PGBD5: variants seen among roughly 807,000 people sequenced by gnomAD.
The protein encoded by PGBD5 is piggyBac transposable element-derived protein 5.
Under a neutral mutation model 47.9 loss-of-function variants are expected in PGBD5, and 14 were observed. The ratio of observed to expected loss-of-function variants is 0.29; its 90% confidence interval spans 0.19 to 0.46. PGBD5 has a LOEUF of 0.46. Ranked by LOEUF, PGBD5 falls within the 20% of genes least tolerant of loss-of-function variation. The pLI, the probability that PGBD5 is intolerant of heterozygous loss-of-function variation, is 1.00. For missense variants in PGBD5, 635 were observed against 716.0 expected (o/e 0.89, Z 1.29); for synonymous variants, 316 against 306.3 (o/e 1.03, Z -0.33).
chr1:230,358,148 C>G (rs951219694), intron 1 of PGBD5, among the ~76,000 whole-genome samples: 1 of 152,146 alleles, frequency 6.6e-6, no homozygotes, highest in Non-Finnish European at 1.5e-5. Context: ...CACAGCCCCT[C>G]CTGTCTCCCG....
At chr1:230,375,652 C>CTTTTTTTTTTTTTTTTT (rs199545872) in intron 1 of PGBD5, among the ~76,000 whole-genome samples, 1 of 105,660 alleles carries the variant, frequency 9.5e-6, no homozygotes, top group African/African-American at 4.5e-5. Flanking sequence ...TCCTATTTGA[C>CTTTTTTTTTTTTTTTTT]TTTTTTTTTT....
intron 4 of PGBD5, among the ~76,000 whole-genome samples, chr1:230,335,735 ACT>A (rs1491366644): frequency 8.2e-5 from 12 of 146,420 alleles, no homozygotes; most frequent in African/African-American, 1.8e-4. Context: ...ACACACACAG[ACT>A]TACACAAAGA....
At chr1:230,370,163 G>A (rs1288349578) in intron 1 of PGBD5, among the ~76,000 whole-genome samples, 1 of 152,192 alleles carries the variant, frequency 6.6e-6, no homozygotes, top group Admixed American at 6.5e-5. Context: ...GATGCTCTGC[G>A]TTCCCCTCCA....
At chr1:230,325,795 T>G (rs986830017) in intron 5 of PGBD5, among the ~76,000 whole-genome samples, 2 of 152,082 alleles carry the variant, frequency 1.3e-5, no homozygotes, top group Non-Finnish European at 2.9e-5. Flanking sequence ...CTCCCCCTTC[T>G]GCCAGGCTGG....
intron 1 of PGBD5, among the ~76,000 whole-genome samples, chr1:230,420,426 C>T (rs1165573619): frequency 1.3e-5 from 2 of 152,136 alleles, no homozygotes; most frequent in Admixed American, 6.6e-5. Flanking sequence ...TTGATTTTTA[C>T]AATTTTTGAT....
chr1:230,417,453 A>T (rs1657543581), intron 1 of PGBD5, among the ~76,000 whole-genome samples: 1 of 152,240 alleles, frequency 6.6e-6, no homozygotes. Flanking sequence ...AATAGTAATA[A>T]TTATAGGTGT....
chr1:230,394,588 T>G (rs1282414942), intron 1 of PGBD5, among the ~76,000 whole-genome samples: 1 of 109,458 alleles, frequency 9.1e-6, no homozygotes, highest in Non-Finnish European at 1.8e-5. Context: ...CTCCTCTCCT[T>G]GTGCTCCTCT....
rs1667022520 is a variant in PGBD5, at chr1:230,320,862, C to T, written c.*2563G>A. ...CTGGATGGAGAAGAGAAACTCTTCT[C>T]AGTCAACAGCATTCCTCCAGAGACC... On this transcript the variant is annotated 3_prime_UTR_variant, in exon 7 of 7. Coordinates refer to ENST00000391860, the MANE Select transcript of PGBD5 (RefSeq NM_001258311.2). 6.6e-6 allele frequency: 1 copy of T among 152,220 alleles called. No individual in the cohort carries two copies. The highest frequency in any genetic ancestry group is 6.5e-5 in the Admixed American group (1 of 15,286). The allele number at this position is 152,220 out of a possible 1,614,324, so 9.4% of individuals were successfully genotyped here. A position where few individuals can be genotyped will look rare whatever the true frequency, so the allele number is the denominator to read the frequency against.
chr1:230,351,654 C>T (rs1416396843), intron 2 of PGBD5, among the ~76,000 whole-genome samples: 2 of 152,248 alleles, frequency 1.3e-5, no homozygotes, highest in South Asian at 2.1e-4. Context: ...CTCGTGTCAG[C>T]CCACGACCTC....
chr1:230,355,415 C>T (rs889153989), intron 2 of PGBD5, among the ~76,000 whole-genome samples: 5 of 152,238 alleles, frequency 3.3e-5, no homozygotes, highest in East Asian at 1.9e-4. Context: ...CAGCCTTCTG[C>T]GGCACCTCTC....
intron 1 of PGBD5, among the ~76,000 whole-genome samples, chr1:230,358,433 G>A (rs1359762752): frequency 1.3e-5 from 2 of 152,014 alleles, no homozygotes; most frequent in Non-Finnish European, 2.9e-5. Flanking sequence ...ATTCCACCTA[G>A]GAAAAAGCAA....
chr1:230,369,592 C>T (rs1447862431), intron 1 of PGBD5, among the ~76,000 whole-genome samples: 3 of 151,294 alleles, frequency 2.0e-5, no homozygotes, highest in Non-Finnish European at 3.0e-5. Context: ...CATCTCTTCC[C>T]CCATCAGGCC....
intron 3 of PGBD5, among the ~76,000 whole-genome samples, chr1:230,344,745 A>T (rs917693398): frequency 1.3e-5 from 2 of 152,142 alleles, no homozygotes; most frequent in African/African-American, 4.8e-5. Context: ...ACCATCTTGA[A>T]TTCTGGCTTC....
At chr1:230,341,393 G>A (rs1667405882) in intron 3 of PGBD5, among the ~76,000 whole-genome samples, 1 of 152,146 alleles carries the variant, frequency 6.6e-6, no homozygotes, top group Admixed American at 6.5e-5. Flanking sequence ...TCCCTTAGCT[G>A]GATGAGCAAC....
chr1:230,393,554 T>C (rs982630315), intron 1 of PGBD5, among the ~76,000 whole-genome samples: 15 of 151,962 alleles, frequency 9.9e-5, no homozygotes, highest in Admixed American at 7.2e-4. Context: ...AAGAAAATAA[T>C]AGGCCGGGCG....
chr1:230,397,205 G>A (rs1657009412), intron 1 of PGBD5, among the ~76,000 whole-genome samples: 1 of 152,220 alleles, frequency 6.6e-6, no homozygotes, highest in Non-Finnish European at 1.5e-5. Context: ...CCTTCCCACT[G>A]TTCCCGCTCA....
At position 230,340,398 on chromosome 1, in the gene PGBD5, T is replaced by A. The variant is rs565061614; in HGVS notation, c.895-3110A>T. 2.0e-5 allele frequency among the ~76,000 whole-genome samples: 3 copies of A among 152,252 alleles called. No individual in the cohort carries two copies. In the South Asian group the frequency reaches 6.2e-4, roughly 32 times the overall value. On this transcript the variant is annotated intron_variant, in intron 3 of 6. Transcript: ENST00000391860. ...CATGTAGAAAAAGTGTTTAATAACATAGAAAATGTTCACAATATCCTTGTA... is the reference window on the plus strand; with the variant it reads ...CATGTAGAAAAAGTGTTTAATAACAAAGAAAATGTTCACAATATCCTTGTA...
chr1:230,391,620 A>G (rs1656785874), intron 1 of PGBD5, among the ~76,000 whole-genome samples: 1 of 152,208 alleles, frequency 6.6e-6, no homozygotes, highest in African/African-American at 2.4e-5. Flanking sequence ...CTCCTGCAGT[A>G]AAACAATTTC....
chr1:230,341,905 A>G, intron 3 of PGBD5, among the ~76,000 whole-genome samples: 1 of 152,146 alleles, frequency 6.6e-6, no homozygotes, highest in East Asian at 1.9e-4. Context: ...TTAAATATAT[A>G]TATATTTAAG....
Sources: allele counts gnomAD v4.1 joint callset (sites outside exome capture counted in the v4.1 genomes callset), GRCh38; gene constraint gnomAD v4.1.1; transcripts MANE v1.5; gene names NCBI Gene and HGNC (gene_info 2026-07-23, HGNC 2026-07-21).